The following SNTB1 variants were observed in gnomAD, a reference collection of about 807,000 sequenced individuals.
SNTB1 encodes the protein beta-1-syntrophin.
A neutral mutation model predicts 48.9 loss-of-function variants in SNTB1; 36 were observed. The ratio of observed to expected loss-of-function variants is 0.74; its 90% CI spans 0.56 to 0.97. The LOEUF is 0.97. SNTB1 is among the 50% of genes least tolerant of loss of function. The probability of loss-of-function intolerance (pLI) is 0.00; values close to 1 mark genes in which losing one functional copy is unlikely to be tolerated. For synonymous variants in SNTB1, 299 were observed against 294.6 expected, an observed-to-expected ratio of 1.01 and a Z score of -0.15; for missense variants, 786 against 703.4, an observed-to-expected ratio of 1.12 and a Z score of -1.33.
intron 1 of SNTB1, among the ~76,000 whole-genome samples, chr8:120,798,029 C>T (rs944092255): frequency 2.3e-4 from 35 of 151,972 alleles, no homozygotes; most frequent in African/African-American, 8.4e-4. Flanking sequence ...ATGTTTGCTA[C>T]AAAGCACGAA....
intron 1 of SNTB1, among the ~76,000 whole-genome samples, chr8:120,738,495 T>C (rs532758486): frequency 6.6e-6 from 1 of 152,074 alleles, no homozygotes; most frequent in South Asian, 2.1e-4. Flanking sequence ...AAGCAAGTCT[T>C]AGAGAGGCTC....
intron 2 of SNTB1, among the ~76,000 whole-genome samples, chr8:120,635,302 C>T (rs576047578): frequency 6.6e-6 from 1 of 152,184 alleles, no homozygotes; most frequent in Non-Finnish European, 1.5e-5. Flanking sequence ...AACTAGCATT[C>T]TCAAGAGCAT....
At chr8:120,684,439 T>C (rs950417317) in intron 2 of SNTB1, among the ~76,000 whole-genome samples, 2 of 152,124 alleles carry the variant, frequency 1.3e-5, no homozygotes, top group African/African-American at 4.8e-5. Context: ...GAAGTCTCTC[T>C]AAATGTCGTC....
chr8:120,673,257 G>A (rs186704280), intron 2 of SNTB1, among the ~76,000 whole-genome samples: 2 of 151,830 alleles, frequency 1.3e-5, no homozygotes, highest in Admixed American at 6.6e-5. Context: ...ACCCTGAAAG[G>A]CCTCTGCAGA....
intron 1 of SNTB1, among the ~76,000 whole-genome samples, chr8:120,710,211 T>C (rs1010809332): frequency 1.3e-5 from 2 of 152,204 alleles, no homozygotes; most frequent in Non-Finnish European, 2.9e-5. Flanking sequence ...CTATCTATGT[T>C]CCCTGATCTA....
intron 3 of SNTB1, among the ~76,000 whole-genome samples, chr8:120,623,934 TTG>T (rs1321897488): frequency 1.3e-5 from 2 of 152,040 alleles, no homozygotes; most frequent in African/African-American, 4.8e-5. Context: ...GGGTAATTTT[TTG>T]TTTGTTTGTT....
chr8:120,740,120 CAGG>C lies in SNTB1; in HGVS notation c.572-46215_572-46213del, dbSNP rs1458718047. ...TACTTAGATTCTTTAAATTTAGTGA[CAGG>C]AGGAGAGCTGGAAGAAAAGTGATGC... On this transcript the variant is annotated intron_variant, in intron 1 of 6. Transcript: ENST00000517992. 3.9e-5 allele frequency among the ~76,000 whole-genome samples: 6 copies of C among 152,132 alleles called. No homozygotes were observed. The East Asian group carries it at 7.7e-4, about 20-fold the overall frequency.
chr8:120,771,182 G>C (rs1819621293), intron 1 of SNTB1, among the ~76,000 whole-genome samples: 1 of 152,212 alleles, frequency 6.6e-6, no homozygotes, highest in Non-Finnish European at 1.5e-5. Flanking sequence ...CTCTGTCCCA[G>C]AGGGAGGTGA....
chr8:120,622,511 A>G (rs1197884686), intron 3 of SNTB1, among the ~76,000 whole-genome samples: 1 of 152,194 alleles, frequency 6.6e-6, no homozygotes, highest in East Asian at 1.9e-4. Flanking sequence ...CCAAACATAT[A>G]AGGATGCAAA....
intron 4 of SNTB1, among the ~76,000 whole-genome samples, chr8:120,555,415 G>A (rs535773167): frequency 6.6e-6 from 1 of 152,200 alleles, no homozygotes; most frequent in African/African-American, 2.4e-5. Flanking sequence ...GGGAAGGGCT[G>A]CTTGCCCTAC....
At chr8:120,737,102 C>T (rs1285099526) in intron 1 of SNTB1, among the ~76,000 whole-genome samples, 1 of 152,142 alleles carries the variant, frequency 6.6e-6, no homozygotes, top group East Asian at 1.9e-4. Context: ...TTGAGCATAT[C>T]ACACATCCTT....
At chr8:120,805,295 C>A (rs1477871626) in intron 1 of SNTB1, among the ~76,000 whole-genome samples, 1 of 151,966 alleles carries the variant, frequency 6.6e-6, no homozygotes, top group Non-Finnish European at 1.5e-5. Flanking sequence ...ACTTACGTGG[C>A]AAAGGGGAAT....
intron 5 of SNTB1, among the ~76,000 whole-genome samples, chr8:120,542,859 T>TA (rs953213093): frequency 2.0e-5 from 3 of 152,160 alleles, no homozygotes; most frequent in African/African-American, 4.8e-5. Flanking sequence ...TTTAATAGTA[T>TA]AAAAAATCTC....
At chr8:120,801,479 C>A (rs867008279) in intron 1 of SNTB1, among the ~76,000 whole-genome samples, 5 of 151,982 alleles carry the variant, frequency 3.3e-5, no homozygotes, top group Admixed American at 6.6e-5. Flanking sequence ...CTCCTCCAGA[C>A]TGTTCTATTT....
chr8:120,562,541 T>C (rs1227683364), intron 4 of SNTB1, among the ~76,000 whole-genome samples: 1 of 152,110 alleles, frequency 6.6e-6, no homozygotes, highest in African/African-American at 2.4e-5. Context: ...ACTTTTCAGT[T>C]TGACAGCATG....
intron 3 of SNTB1, among the ~76,000 whole-genome samples, chr8:120,619,971 A>G (rs908355385): frequency 6.6e-6 from 1 of 152,226 alleles, no homozygotes; most frequent in African/African-American, 2.4e-5. Context: ...TTAGGGATAA[A>G]TTAAAGAATA....
At chr8:120,760,458 A>G (rs2130062982) in intron 1 of SNTB1, among the ~76,000 whole-genome samples, 1 of 152,272 alleles carries the variant, frequency 6.6e-6, no homozygotes, top group Admixed American at 6.5e-5. Context: ...TTGGGTAGAC[A>G]TATTTAAAGG....
chr8:120,544,119 C>T (rs773887118), intron 5 of SNTB1, among the ~76,000 whole-genome samples: 3 of 152,096 alleles, frequency 2.0e-5, no homozygotes, highest in Non-Finnish European at 2.9e-5. Context: ...TTCTACAACC[C>T]GCAGACCATG....
chr8:120,615,736 ATAAGCCAGTT>A (rs1261542150), intron 3 of SNTB1, among the ~76,000 whole-genome samples: 1 of 152,242 alleles, frequency 6.6e-6, no homozygotes, highest in Non-Finnish European at 1.5e-5. Flanking sequence ...TCTGAATAAC[ATAAGCCAGTT>A]TGAATCGAAC....
Sources: allele counts gnomAD v4.1 joint callset (sites outside exome capture counted in the v4.1 genomes callset), GRCh38; gene constraint gnomAD v4.1.1; transcripts MANE v1.5; gene names NCBI Gene and HGNC (gene_info 2026-07-23, HGNC 2026-07-21).